Variants in SESTD1 observed in about 807,000 individuals in gnomAD.
SESTD1 encodes the protein SEC14 and spectrin domain containing 1, also known as SEC14 domain and spectrin repeat-containing protein 1.
SESTD1 carries 43 observed loss-of-function variants against 101.7 expected under a neutral mutation model. The observed-to-expected ratio is 0.42, with a 90% CI of 0.33 to 0.55. The LOEUF (loss-of-function observed/expected upper bound fraction) is 0.55, where lower values mean the gene tolerates loss of function less well. SESTD1 is among the 20% of genes least tolerant of loss of function. SESTD1 has a pLI of 0.07. For missense variants in SESTD1, 647 were observed against 815.1 expected (o/e 0.79, Z 2.51); for synonymous variants, 283 against 286.8 (o/e 0.99, Z 0.13).
intron 9 of SESTD1, among the ~76,000 whole-genome samples, chr2:179,133,429 G>T (rs909817980): frequency 6.6e-6 from 1 of 152,100 alleles, no homozygotes; most frequent in Admixed American, 6.6e-5. Flanking sequence ...GAGCTAAAGG[G>T]TTAAGCAAAG....
At position 179,243,961 on chromosome 2, in the gene SESTD1, TAC is replaced by T. The variant is rs1220156890; in HGVS notation, c.-26+20536_-26+20537del. Among the ~76,000 whole-genome samples, 225 of 143,970 alleles carry T rather than the reference TAC, an allele frequency of 1.6e-3. 1 individual carries two copies. The highest frequency in any genetic ancestry group is 4.9e-3 in the African/African-American group (193 of 39,088). The allele number at this position is 143,970 out of a possible 152,430, so 94.4% of individuals were successfully genotyped here. ...ATGTGTGTGTATATATATATATATA[TAC>T]ACACACACACACACACACAAATGAG... On this transcript the variant is annotated intron_variant, in intron 1 of 17. Coordinates refer to ENST00000428443, the MANE Select transcript of SESTD1 (RefSeq NM_178123.5).
At chr2:179,116,468 A>G (rs1383305125) in intron 15 of SESTD1, 200 bp downstream of exon 15, 2 of 703,228 alleles carry the variant, frequency 2.8e-6, no homozygotes, top group African/African-American at 1.8e-5. Flanking sequence ...CATGCAGAAC[A>G]TGTATTCAGG....
intron 17 of SESTD1, among the ~76,000 whole-genome samples, chr2:179,111,678 G>C (rs988291133): frequency 1.3e-5 from 2 of 151,020 alleles, no homozygotes; most frequent in Non-Finnish European, 1.5e-5. Flanking sequence ...TTTTCAGTAA[G>C]AATCAGGTCT....
intron 1 of SESTD1, among the ~76,000 whole-genome samples, chr2:179,240,109 A>C (rs1174304359): frequency 6.6e-6 from 1 of 152,216 alleles, no homozygotes; most frequent in East Asian, 1.9e-4. Flanking sequence ...CATGGTATAC[A>C]GACAGTAGAA....
intron 4 of SESTD1, among the ~76,000 whole-genome samples, chr2:179,175,864 A>C (rs920550895): frequency 1.3e-5 from 2 of 152,206 alleles, no homozygotes; most frequent in African/African-American, 4.8e-5. Flanking sequence ...GATCTCAAAA[A>C]GTTTGTAATC....
rs2044340596 is a variant in SESTD1 at position 179,104,597 on chromosome 2, T to C, written c.*5302A>G. ...ATGGTATTCAGCTTGTGAAGACTTC[T>C]AAGGTGCCTCCTGGAGATTCACTGG... On this transcript the variant is annotated 3_prime_UTR_variant, in exon 18 of 18. Transcript: ENST00000428443. The C allele has an allele frequency of 6.6e-6, 1 of 152,116 alleles. No homozygotes were observed. The highest frequency in any genetic ancestry group is 2.4e-5 in the African/African-American group (1 of 41,428). The allele number at this position is 152,116 out of a possible 1,614,324, so 9.4% of individuals were successfully genotyped here. A position where few individuals can be genotyped will look rare whatever the true frequency, so the allele number is the denominator to read the frequency against.
At chr2:179,132,523 T>C in intron 9 of SESTD1, 97 bp from the exon 10 acceptor site, 1 of 1,355,990 alleles carries the variant, frequency 7.4e-7, no homozygotes, top group Non-Finnish European at 1.0e-6. Flanking sequence ...TCCCCAATTA[T>C]TTTTAATGTA....
intron 1 of SESTD1, among the ~76,000 whole-genome samples, chr2:179,212,694 G>T (rs6433768): frequency 0.042 from 5,661 of 134,954 alleles, 1,606 homozygotes; most frequent in African/African-American, 0.16. Context: ...CTTCAAGTGG[G>T]TCCCTGACCC....
rs2044279401 is a variant in SESTD1, at chr2:179,101,680, G to A, written c.*8219C>T. 6.6e-6 allele frequency: 1 copy of A among 152,146 alleles called. No individual in the cohort carries two copies. The highest frequency in any genetic ancestry group is 1.5e-5 in the Non-Finnish European group (1 of 68,010). The allele number at this position is 152,146 out of a possible 1,614,324, so 9.4% of individuals were successfully genotyped here. The stretch of plus-strand genomic sequence containing the variant: ...TAAAAAGACAGGAATGTCAAGTGTT[G>A]ATATTGACTCATTCACATTTTCTCC... On this transcript the variant is annotated 3_prime_UTR_variant, in exon 18 of 18. Transcript: ENST00000428443.
intron 1 of SESTD1, among the ~76,000 whole-genome samples, chr2:179,222,097 GACC>G (rs2046824217): frequency 6.6e-6 from 1 of 152,112 alleles, no homozygotes; most frequent in African/African-American, 2.4e-5. Context: ...TTTATAGAGT[GACC>G]ACCTCTTTTC....
chr2:179,191,686 A>C, intron 2 of SESTD1, 101 bp downstream of exon 2: 1 of 980,880 alleles, frequency 1.0e-6, no homozygotes, highest in Non-Finnish European at 1.5e-6. Context: ...CTTTTAAACA[A>C]AACTTTCATT....
intron 1 of SESTD1, among the ~76,000 whole-genome samples, chr2:179,194,708 G>C (rs1369082065): frequency 6.6e-6 from 1 of 152,138 alleles, no homozygotes; most frequent in Non-Finnish European, 1.5e-5. Flanking sequence ...GCCTGATTCA[G>C]AGCATGAAAA....
At chr2:179,118,813 G>A (rs1054027654) in intron 13 of SESTD1, among the ~76,000 whole-genome samples, 33 of 152,288 alleles carry the variant, frequency 2.2e-4, no homozygotes, top group African/African-American at 6.5e-4. Context: ...GATGTTATAA[G>A]TACTATTATA....
intron 1 of SESTD1, among the ~76,000 whole-genome samples, chr2:179,228,219 A>G (rs892134572): frequency 2.0e-5 from 3 of 152,148 alleles, no homozygotes; most frequent in African/African-American, 4.8e-5. Flanking sequence ...TCACGGATGT[A>G]TGTGTCTGTG....
chr2:179,195,514 T>C (rs984637092), intron 1 of SESTD1, among the ~76,000 whole-genome samples: 2 of 152,194 alleles, frequency 1.3e-5, no homozygotes, highest in East Asian at 1.9e-4. Flanking sequence ...ACAGACTAAA[T>C]AGAAACTTCA....
chr2:179,135,880 G>A (rs757035229), intron 9 of SESTD1, among the ~76,000 whole-genome samples: 28 of 152,148 alleles, frequency 1.8e-4, no homozygotes, highest in Non-Finnish European at 2.6e-4. Flanking sequence ...TTTACACAGC[G>A]CTAAGTTCAT....
chr2:179,171,035 G>A (rs2045921530), intron 5 of SESTD1, among the ~76,000 whole-genome samples: 1 of 152,138 alleles, frequency 6.6e-6, no homozygotes, highest in Admixed American at 6.5e-5. Context: ...AGGGGCTTGT[G>A]AGTACAGAAA....
At position 179,102,348 on chromosome 2, in the gene SESTD1, AAAAATAAC is replaced by A. The variant is rs2044289992; in HGVS notation, c.*7543_*7550del. On this transcript the variant is annotated 3_prime_UTR_variant, in exon 18 of 18. Transcript: ENST00000428443. Reference sequence around the variant, plus strand: ...GTTAGAAACAATTTAAACCTTTACAAAAAATAACTCAAATTGATTCAAAGATGCAGAAT... The same window carrying A: ...GTTAGAAACAATTTAAACCTTTACAATCAAATTGATTCAAAGATGCAGAAT... 1 of 152,168 alleles carries A rather than the reference AAAAATAAC, an allele frequency of 6.6e-6. No individual in the cohort carries two copies. The highest frequency in any genetic ancestry group is 6.6e-5 in the Admixed American group (1 of 15,262). 9.4% of individuals were successfully genotyped at this position (152,168 alleles called of 1,614,324 possible).
intron 1 of SESTD1, among the ~76,000 whole-genome samples, chr2:179,251,640 C>T (rs946859822): frequency 2.0e-5 from 3 of 152,202 alleles, no homozygotes; most frequent in African/African-American, 4.8e-5. Flanking sequence ...CAAAATCATA[C>T]GTTAAAATTC....
Sources: allele counts gnomAD v4.1 joint callset (sites outside exome capture counted in the v4.1 genomes callset), GRCh38; gene constraint gnomAD v4.1.1; transcripts MANE v1.5; gene names NCBI Gene and HGNC (gene_info 2026-07-23, HGNC 2026-07-21).